Variants in SYCP2 observed in about 807,000 individuals in gnomAD.
The protein encoded by SYCP2 is synaptonemal complex protein 2.
In SYCP2, 55 loss-of-function variants were observed where a neutral mutation model predicts 211.3. The ratio of observed to expected loss-of-function variants is 0.26; its 90% CI spans 0.21 to 0.33. SYCP2 has a LOEUF of 0.33. Among genes scored for constraint, SYCP2 ranks in the 10% least tolerant of loss-of-function variants. The pLI, the probability that SYCP2 is intolerant of heterozygous loss-of-function variation, is 1.00. For synonymous variants in SYCP2, 570 were observed against 555.2 expected (o/e 1.03, Z -0.37); for missense variants, 1,731 against 1,752.0 (o/e 0.99, Z 0.21).
In SYCP2 at chr20:59,900,737, G is replaced by T; in HGVS notation, c.1257+7C>A. The T allele has an allele frequency of 6.2e-7, 1 of 1,611,020 alleles. No homozygotes were observed. Among genetic ancestry groups the T allele is most frequent in the South Asian group, 1.1e-5 (1 of 90,920 alleles). On this transcript the variant is annotated splice_region_variant and intron_variant, in intron 17 of 44. Transcript: ENST00000357552. Reference sequence around the variant, plus strand: ...AGTGATAAAAATCAAGTAAGTCTGAGACATACCTGTGATCCACTTGCGTCA... The same window carrying T: ...AGTGATAAAAATCAAGTAAGTCTGATACATACCTGTGATCCACTTGCGTCA...
chr20:59,873,453 A>T (rs550358242), intron 35 of SYCP2, among the ~76,000 whole-genome samples: 1 of 152,320 alleles, frequency 6.6e-6, no homozygotes, highest in African/African-American at 2.4e-5. Flanking sequence ...CCCAGGAGGG[A>T]CAGAGTGGAT....
At chr20:59,925,950 T>G (rs1208772511) in intron 2 of SYCP2, among the ~76,000 whole-genome samples, 3 of 152,020 alleles carry the variant, frequency 2.0e-5, no homozygotes, top group East Asian at 3.9e-4. Flanking sequence ...GTGGAAATAA[T>G]AGCTCTGAAT....
rs142900720 is a variant in SYCP2 at position 59,901,666 on chromosome 20, T to A, written c.1178A>T (p.His393Leu). Residue 393 changes from histidine (H) to leucine (L), a missense_variant, in exon 16 of 45, where the codon CAT becomes CTT. Around this residue, in one of 3 missense-constraint regions of SYCP2, gnomAD observed 1,387 missense variants for 1,351.3 expected, o/e 1.03. Coordinates refer to ENST00000357552, the MANE Select transcript of SYCP2 (RefSeq NM_014258.4). ...TTATTAAGTTTAAAGACTTACCCTATGTTTAGTTGCACCAAAAATTTTTTG... is the reference window on the plus strand; with the variant it reads ...TTATTAAGTTTAAAGACTTACCCTAAGTTTAGTTGCACCAAAAATTTTTTG... ...VTQKIFGATK[H>L]RESIRKQGIS... 3.3e-6 allele frequency: 5 copies of A among 1,538,228 alleles called. No individual in the cohort carries two copies. The highest frequency in any genetic ancestry group is 1.2e-5 in the South Asian group (1 of 83,344).
At chr20:59,914,372 T>A in intron 10 of SYCP2, 121 bp from the exon 11 acceptor site, 2 of 486,480 alleles carry the variant, frequency 4.1e-6, no homozygotes, top group East Asian at 6.5e-5. Context: ...TGTAATTGAT[T>A]AATCTATTAA....
intron 15 of SYCP2, among the ~76,000 whole-genome samples, chr20:59,904,344 G>A (rs1041680615): frequency 1.3e-5 from 2 of 152,104 alleles, no homozygotes; most frequent in South Asian, 4.1e-4. Context: ...AAACCTCTAA[G>A]AGGCAGAACT....
At chr20:59,887,488 T>G (rs1316705404) in intron 24 of SYCP2, among the ~76,000 whole-genome samples, 2 of 152,190 alleles carry the variant, frequency 1.3e-5, no homozygotes, top group Non-Finnish European at 2.9e-5. Context: ...AGCAGCATTA[T>G]TTATAATCCT....
intron 3 of SYCP2, 142 bp downstream of exon 3, chr20:59,922,248 C>A: frequency 1.3e-5 from 9 of 670,842 alleles, no homozygotes; most frequent in Non-Finnish European, 2.2e-5. Flanking sequence ...CATGAAAGGA[C>A]ACTTTATTTA....
At chr20:59,911,326 A>G (rs1263736663) in intron 14 of SYCP2, among the ~76,000 whole-genome samples, 1 of 152,164 alleles carries the variant, frequency 6.6e-6, no homozygotes, top group Non-Finnish European at 1.5e-5. Flanking sequence ...ACTCCCACTC[A>G]AGTCCTATTT....
intron 24 of SYCP2, among the ~76,000 whole-genome samples, chr20:59,888,295 T>G (rs1464297814): frequency 6.6e-6 from 1 of 151,978 alleles, no homozygotes; most frequent in African/African-American, 2.4e-5. Flanking sequence ...ATAAAAAGAA[T>G]TATGCAACTA....
At position 59,915,493 on chromosome 20, in the gene SYCP2, G is replaced by C; in HGVS notation, c.571C>G (p.Leu191Val). Residue 191 changes from leucine (L) to valine (V), a missense_variant, in exon 9 of 45, where the codon CTC becomes GTC. Leu to Val is a conservative substitution (Grantham distance 32). Transcript: ENST00000357552. ...DKMPQDARKILSNQEMLILMS... is the reference protein window; with the variant it reads ...DKMPQDARKIVSNQEMLILMS... ...AGAATTAACATTTCTTGGTTAGAGA[G>C]TATTTTCCGGGCATCTTGAGGCATT... 1 of 1,608,528 alleles carries C rather than the reference G, an allele frequency of 6.2e-7. No individual in the cohort carries two copies. Among genetic ancestry groups the C allele is most frequent in the Non-Finnish European group, 8.5e-7 (1 of 1,175,354 alleles).
At chr20:59,865,189 T>C (rs2059304805) in intron 44 of SYCP2, among the ~76,000 whole-genome samples, 199 bp downstream of exon 44, 1 of 151,996 alleles carries the variant, frequency 6.6e-6, no homozygotes, top group Non-Finnish European at 1.5e-5. Context: ...TTTTACTCCT[T>C]AGGAGGGCCT....
Position 59,868,878 on chromosome 20 carries a change from C to T in SYCP2, c.3789G>A (p.Glu1263=). Residue 1263 remains glutamate (E), a synonymous_variant, in exon 37 of 45, where the codon GAG becomes GAA. Coordinates refer to ENST00000357552, the MANE Select transcript of SYCP2 (RefSeq NM_014258.4). ...CACAGGGCATGTCAAACCACGTTTT[C>T]TCTCTTCCTTCACTAGACTTGGATA... ...SSLSKSSEGR[E]KTWFDMPCDA... 2 of 1,610,186 alleles carry T rather than the reference C, an allele frequency of 1.2e-6. No homozygotes were observed. Among genetic ancestry groups the T allele is most frequent in the East Asian group, 2.2e-5 (1 of 44,704 alleles).
intron 15 of SYCP2, among the ~76,000 whole-genome samples, chr20:59,905,292 G>A (rs1460906770): frequency 6.6e-6 from 1 of 152,084 alleles, no homozygotes; most frequent in Admixed American, 6.6e-5. Context: ...CATATTTTCA[G>A]AAGTAATTAA....
chr20:59,868,297 A>G, intron 38 of SYCP2, 116 bp downstream of exon 38: 1 of 1,047,188 alleles, frequency 9.5e-7, no homozygotes, highest in Non-Finnish European at 1.4e-6. Flanking sequence ...AGCATCATCC[A>G]TCTTGGACAT....
chr20:59,864,838 T>C (rs1270095538), intron 44 of SYCP2, among the ~76,000 whole-genome samples: 2 of 152,026 alleles, frequency 1.3e-5, no homozygotes, highest in Non-Finnish European at 2.9e-5. Flanking sequence ...TACTTAAAAA[T>C]GCCTTTCATC....
Position 59,892,996 on chromosome 20 carries a change from A to G in SYCP2, c.1793+146T>C, listed in dbSNP as rs2059937128. The G allele has an allele frequency of 6.2e-6, 4 of 649,758 alleles. No individual in the cohort carries two copies. In the South Asian group the frequency reaches 7.2e-5, roughly 12 times the overall value. The allele number at this position is 649,758 out of a possible 1,614,324, so 40.2% of individuals were successfully genotyped here. ...ACCACATGGGGAAAAAACCATATAC[A>G]TAATTCCCCATTGTGCTGTCATAAC... On this transcript the variant is annotated intron_variant, in intron 22 of 44. Coordinates refer to ENST00000357552, the MANE Select transcript of SYCP2 (RefSeq NM_014258.4).
chr20:59,932,544 G>A (rs1431383999), intron 1 of SYCP2, among the ~76,000 whole-genome samples: 3 of 152,106 alleles, frequency 2.0e-5, no homozygotes, highest in Non-Finnish European at 4.4e-5. Context: ...GCGTGGTGGC[G>A]CGCCAAGTAG....
At chr20:59,885,989 T>C (rs376171438) in intron 25 of SYCP2, 25 bp from the exon 26 acceptor site, 10 of 1,577,654 alleles carry the variant, frequency 6.3e-6, no homozygotes, top group South Asian at 1.1e-5. Flanking sequence ...TTTGTCAAAA[T>C]TGAAAAAGCA....
At chr20:59,881,327 A>T in intron 29 of SYCP2, 110 bp downstream of exon 29, 1 of 652,278 alleles carries the variant, frequency 1.5e-6, no homozygotes, top group Non-Finnish European at 2.6e-6. Flanking sequence ...AGTAATAATG[A>T]CTAGCATTTT....
Sources: gnomAD v4.1 joint callset for allele counts (sites outside exome capture counted in the v4.1 genomes callset) on GRCh38, gnomAD v4.1.1 for gene constraint, gnomAD v4.1.1 regional missense constraint, MANE v1.5 for transcripts, NCBI Gene and HGNC (gene_info 2026-07-23, HGNC 2026-07-21) for gene names.